TGFB2: variants seen among roughly 807,000 people sequenced by gnomAD.
TGFB2 encodes the protein transforming growth factor beta 2, also known as transforming growth factor beta-2 proprotein.
A neutral mutation model predicts 42.7 loss-of-function variants in TGFB2; 13 were observed. The ratio of observed to expected loss-of-function variants is 0.30; its 90% CI spans 0.20 to 0.48. TGFB2 has a LOEUF of 0.48. Among genes scored for constraint, TGFB2 ranks in the 20% least tolerant of loss-of-function variants. TGFB2 has a pLI of 0.99. For missense variants in TGFB2, 390 were observed against 517.5 expected, an observed-to-expected ratio of 0.75 and a Z score of 2.39; for synonymous variants, 193 against 193.6, an observed-to-expected ratio of 1.00 and a Z score of 0.03.
intron 1 of TGFB2, among the ~76,000 whole-genome samples, chr1:218,369,613 C>T (rs548439058): frequency 1.3e-5 from 2 of 152,184 alleles, no homozygotes; most frequent in South Asian, 4.1e-4. Flanking sequence ...CTTGTGCTCA[C>T]GCATGTGGAA....
chr1:218,391,516 A>G (rs1389211702), intron 1 of TGFB2, among the ~76,000 whole-genome samples: 7 of 152,216 alleles, frequency 4.6e-5, no homozygotes, highest in Non-Finnish European at 8.8e-5. Context: ...ATGAAATAAC[A>G]TCAACGATTC....
chr1:218,411,597 T>C (rs1444629573), intron 2 of TGFB2, among the ~76,000 whole-genome samples: 1 of 152,158 alleles, frequency 6.6e-6, no homozygotes, highest in African/African-American at 2.4e-5. Flanking sequence ...AGGCTGGGCA[T>C]GGTGGCTTAC....
In TGFB2 at chr1:218,351,860, G is replaced by A. The variant is rs1012423734; in HGVS notation, c.346+4813G>A. 9.8e-5 allele frequency among the ~76,000 whole-genome samples: 15 copies of A among 152,286 alleles called. No homozygotes were observed. The East Asian group carries it at 2.9e-3, about 29-fold the overall frequency. The stretch of plus-strand genomic sequence containing the variant: ...TAAAGATATGAAAGAATGACAGATC[G>A]TTTTTCCTAGAGGAAACTGAGATGT... On this transcript the variant is annotated intron_variant, in intron 1 of 6. Coordinates refer to ENST00000366930, the MANE Select transcript of TGFB2 (RefSeq NM_003238.6).
chr1:218,363,464 A>C (rs1342991730), intron 1 of TGFB2: 8 of 1,557,780 alleles, frequency 5.1e-6, no homozygotes, highest in Non-Finnish European at 7.1e-6. Flanking sequence ...TAGTTATATC[A>C]AATCCATCTT....
chr1:218,429,509 A>T (rs1315910442), intron 2 of TGFB2, among the ~76,000 whole-genome samples: 2 of 152,064 alleles, frequency 1.3e-5, no homozygotes, highest in African/African-American at 4.8e-5. Context: ...GAGTACTTGA[A>T]TTTTTTCCCA....
chr1:218,416,900 T>G (rs1225222205), intron 2 of TGFB2, among the ~76,000 whole-genome samples: 1 of 152,206 alleles, frequency 6.6e-6, no homozygotes, highest in Non-Finnish European at 1.5e-5. Flanking sequence ...CTTTCTCTTC[T>G]CTTGTCTGCC....
chr1:218,426,235 A>G (rs972577655), intron 2 of TGFB2, among the ~76,000 whole-genome samples: 2 of 152,238 alleles, frequency 1.3e-5, no homozygotes, highest in African/African-American at 4.8e-5. Context: ...ATGCTTTCTT[A>G]TAACTCTTTG....
intron 5 of TGFB2, 34 bp downstream of exon 5, chr1:218,436,181 A>G (rs1659967203): frequency 6.3e-7 from 1 of 1,598,972 alleles, no homozygotes; most frequent in East Asian, 2.2e-5. Context: ...AAGTAATTGC[A>G]TCTGTTAACT....
In TGFB2 at chr1:218,352,521, T is replaced by C. The variant is rs537853953; in HGVS notation, c.346+5474T>C. Among the ~76,000 whole-genome samples the C allele has an allele frequency of 5.1e-4, 78 of 152,338 alleles. 1 individual carries two copies. The highest frequency in any genetic ancestry group is 4.8e-3 in the Admixed American group (74 of 15,308). On this transcript the variant is annotated intron_variant, in intron 1 of 6. Transcript: ENST00000366930. Reference sequence around the variant, plus strand: ...ATTTAATAATATGTTAGGGGATTCTTTGATGGGTTTGTTTAGACTGAAAAG... The same window carrying C: ...ATTTAATAATATGTTAGGGGATTCTCTGATGGGTTTGTTTAGACTGAAAAG...
chr1:218,425,695 T>G lies in TGFB2; in HGVS notation c.511-8387T>G, dbSNP rs562610347. Reference sequence around the variant, plus strand: ...GATGGAAATTTTAAGTCCAAGATAATGGAGAATCTCAACAATATGGATTGT... The same window carrying G: ...GATGGAAATTTTAAGTCCAAGATAAGGGAGAATCTCAACAATATGGATTGT... On this transcript the variant is annotated intron_variant, in intron 2 of 6. Transcript: ENST00000366930. Among the ~76,000 whole-genome samples the G allele has an allele frequency of 6.6e-5, 10 of 152,314 alleles. No homozygotes were observed. In the South Asian group the frequency reaches 8.3e-4, roughly 13 times the overall value.
rs959680863 is a variant in TGFB2, at chr1:218,346,649, C to A, written c.-53C>A. On this transcript the variant is annotated 5_prime_UTR_variant, in exon 1 of 7. Transcript: ENST00000366930. This position sits in a 1 kb window ranked among gnomAD's most constrained non-coding sequence, Gnocchi z 4.9. ...TCTATACTTTGAGAATTGTTGATTT[C>A]TTTTTTTTATTCTGACTTTTAAAAA... 4.7e-6 allele frequency: 7 copies of A among 1,474,162 alleles called. No individual in the cohort carries two copies. In the African/African-American group the frequency reaches 8.6e-5, roughly 18 times the overall value. 91.3% of individuals were successfully genotyped at this position (1,474,162 alleles called of 1,614,324 possible). A position where few individuals can be genotyped will look rare whatever the true frequency, so the allele number is the denominator to read the frequency against.
intron 2 of TGFB2, among the ~76,000 whole-genome samples, chr1:218,423,244 A>G (rs1490343830): frequency 6.6e-6 from 1 of 152,180 alleles, no homozygotes. Flanking sequence ...GTGTCAGCAA[A>G]CCAAAATATA....
At chr1:218,351,559 A>G (rs1370939220) in intron 1 of TGFB2, among the ~76,000 whole-genome samples, 1 of 152,146 alleles carries the variant, frequency 6.6e-6, no homozygotes, top group Admixed American at 6.5e-5. Flanking sequence ...TCAAAGAAGT[A>G]TACTATTTAT....
intron 1 of TGFB2, among the ~76,000 whole-genome samples, chr1:218,391,660 A>C (rs1260668109): frequency 6.6e-6 from 1 of 152,244 alleles, no homozygotes; most frequent in African/African-American, 2.4e-5. Context: ...TACCCTGAAT[A>C]GGAGTATATT....
At chr1:218,403,348 T>A (rs1658795374) in intron 1 of TGFB2, among the ~76,000 whole-genome samples, 1 of 152,046 alleles carries the variant, frequency 6.6e-6, no homozygotes, top group African/African-American at 2.4e-5. Context: ...GTGCTGAGAG[T>A]CACACATATA....
chr1:218,362,879 C>T lies in TGFB2; in HGVS notation c.346+15832C>T, dbSNP rs145196056. Among the ~76,000 whole-genome samples, 272 of 152,226 alleles carry T rather than the reference C, an allele frequency of 1.8e-3. 2 individuals are homozygous for T. The highest frequency in any genetic ancestry group is 6.4e-3 in the African/African-American group (265 of 41,540). On this transcript the variant is annotated intron_variant, in intron 1 of 6. Transcript: ENST00000366930. ...TCATTCAAGAAGGAGTTTTCACATGCGGGTTAGAAATGATGACAGGTGGTT... is the reference window on the plus strand; with the variant it reads ...TCATTCAAGAAGGAGTTTTCACATGTGGGTTAGAAATGATGACAGGTGGTT...
chr1:218,396,911 T>C (rs1315242015), intron 1 of TGFB2, among the ~76,000 whole-genome samples: 1 of 152,200 alleles, frequency 6.6e-6, no homozygotes, highest in African/African-American at 2.4e-5. Flanking sequence ...TTTAAGAGCT[T>C]TAGAACTCTT....
intron 2 of TGFB2, among the ~76,000 whole-genome samples, chr1:218,428,232 T>C (rs1324905105): frequency 1.3e-5 from 2 of 152,252 alleles, no homozygotes; most frequent in East Asian, 3.8e-4. Context: ...TTCTGGATAT[T>C]AGCCCTTTGT....
intron 2 of TGFB2, among the ~76,000 whole-genome samples, chr1:218,408,010 C>G (rs1553300281): frequency 6.6e-6 from 1 of 152,156 alleles, no homozygotes; most frequent in Non-Finnish European, 1.5e-5. Context: ...CCTTTTTCTT[C>G]TCTTTTTTAC....
Sources: allele counts gnomAD v4.1 joint callset (sites outside exome capture counted in the v4.1 genomes callset), GRCh38; gene constraint gnomAD v4.1.1; non-coding constraint Gnocchi (gnomAD v3.1); transcripts MANE v1.5; gene names NCBI Gene and HGNC (gene_info 2026-07-23, HGNC 2026-07-21).